XYLT1: variants seen among roughly 807,000 people sequenced by gnomAD.
XYLT1 encodes the protein xylosyltransferase 1.
Under a neutral mutation model 91.3 loss-of-function variants are expected in XYLT1, and 36 were observed. The ratio of observed to expected loss-of-function variants is 0.39; its 90% CI spans 0.30 to 0.52. XYLT1 has a LOEUF of 0.52. Ranked by LOEUF, XYLT1 falls within the 20% of genes least tolerant of loss-of-function variation. XYLT1 has a pLI of 0.68. For synonymous variants in XYLT1, 588 were observed against 532.0 expected (o/e 1.11, Z -1.45); for missense variants, 1,242 against 1,284.5 (o/e 0.97, Z 0.51).
chr16:17,410,368 G>A (rs949412399), intron 1 of XYLT1, among the ~76,000 whole-genome samples: 1 of 152,196 alleles, frequency 6.6e-6, no homozygotes, highest in East Asian at 1.9e-4. Context: ...AGTTCCATGT[G>A]GCTGGAGAGG....
intron 5 of XYLT1, among the ~76,000 whole-genome samples, chr16:17,164,056 A>G (rs1476310469): frequency 6.7e-6 from 1 of 148,528 alleles, no homozygotes; most frequent in African/African-American, 2.5e-5. Context: ...AAAAAAAAAA[A>G]AAAAAAAAAA....
At chr16:17,349,817 A>T (rs777867237) in intron 2 of XYLT1, among the ~76,000 whole-genome samples, 7 of 152,080 alleles carry the variant, frequency 4.6e-5, no homozygotes, top group Non-Finnish European at 1.0e-4. Flanking sequence ...TGCATGTCCA[A>T]TGTACAGTTC....
intron 6 of XYLT1, among the ~76,000 whole-genome samples, chr16:17,154,726 C>A (rs1191702426): frequency 6.6e-6 from 1 of 152,112 alleles, no homozygotes; most frequent in Non-Finnish European, 1.5e-5. Context: ...CAATCAGGAC[C>A]AATTTGGCAG....
chr16:17,454,647 C>T (rs2036712263), intron 1 of XYLT1, among the ~76,000 whole-genome samples: 1 of 151,990 alleles, frequency 6.6e-6, no homozygotes, highest in South Asian at 2.1e-4. Context: ...AGTGATTCTC[C>T]TGCCTCAGCC....
rs1000121540 is a variant in XYLT1, at chr16:17,232,194, A to C, written c.913+26794T>G. Among the ~76,000 whole-genome samples the C allele has an allele frequency of 1.1e-3, 157 of 143,010 alleles. 2 individuals are homozygous for C. The highest frequency in any genetic ancestry group is 2.0e-4 in the Non-Finnish European group (13 of 66,366). 93.8% of individuals were successfully genotyped at this position (143,010 alleles called of 152,430 possible). On this transcript the variant is annotated intron_variant, in intron 3 of 11. Transcript: ENST00000261381. ...TATTATACAATATATACTATATATA[A>C]AATATATAATATATATTATATATAC...
chr16:17,379,546 G>A (rs2035645056), intron 1 of XYLT1, among the ~76,000 whole-genome samples: 1 of 152,170 alleles, frequency 6.6e-6, no homozygotes, highest in South Asian at 2.1e-4. Context: ...GGTGGGAGCA[G>A]GATCCAGCCC....
intron 6 of XYLT1, among the ~76,000 whole-genome samples, chr16:17,158,029 G>T (rs1567300419): frequency 8.6e-6 from 1 of 116,742 alleles, no homozygotes; most frequent in Admixed American, 8.4e-5. Context: ...TTACAGGCAT[G>T]AGCCACTGCG....
At chr16:17,318,764 T>G (rs576816190) in intron 2 of XYLT1, among the ~76,000 whole-genome samples, 47 of 150,618 alleles carry the variant, frequency 3.1e-4, no homozygotes, top group African/African-American at 1.1e-3. Flanking sequence ...GAACTCCATG[T>G]GGTTCCATCC....
intron 1 of XYLT1, among the ~76,000 whole-genome samples, chr16:17,409,937 TG>T (rs561249914): frequency 5.3e-4 from 81 of 152,288 alleles, no homozygotes; most frequent in African/African-American, 1.9e-3. Context: ...ATAAAAAGAA[TG>T]TCCTGAATAA....
At chr16:17,348,991 G>A (rs2035183493) in intron 2 of XYLT1, among the ~76,000 whole-genome samples, 1 of 152,236 alleles carries the variant, frequency 6.6e-6, no homozygotes, top group Non-Finnish European at 1.5e-5. Context: ...CTGCCTTGTT[G>A]CTCAGTGGCA....
chr16:17,283,457 C>A (rs1180794005), intron 2 of XYLT1, among the ~76,000 whole-genome samples: 1 of 152,182 alleles, frequency 6.6e-6, no homozygotes, highest in Admixed American at 6.5e-5. Context: ...TGTGTACACA[C>A]ACACGCATGT....
intron 5 of XYLT1, among the ~76,000 whole-genome samples, chr16:17,169,126 C>T (rs1414134256): frequency 1.3e-5 from 2 of 152,182 alleles, no homozygotes; most frequent in Non-Finnish European, 2.9e-5. Context: ...GGCACCTGTC[C>T]TCAAGGAACG....
chr16:17,266,099 C>T lies in XYLT1; in HGVS notation c.403-6601G>A, dbSNP rs548601825. The stretch of plus-strand genomic sequence containing the variant: ...TGAGGACAAAATGGAAGCTTCAAAG[C>T]GCATCCCGTCTGCAGCCCTATCCCT... On this transcript the variant is annotated intron_variant, in intron 2 of 11. Coordinates refer to ENST00000261381, the MANE Select transcript of XYLT1 (RefSeq NM_022166.4). 5.9e-5 allele frequency among the ~76,000 whole-genome samples: 9 copies of T among 152,268 alleles called. No individual in the cohort carries two copies. The East Asian group carries it at 1.5e-3, about 26-fold the overall frequency.
chr16:17,273,633 C>A (rs1379766768), intron 2 of XYLT1, among the ~76,000 whole-genome samples: 1 of 152,086 alleles, frequency 6.6e-6, no homozygotes, highest in Non-Finnish European at 1.5e-5. Flanking sequence ...CACTGGAGTT[C>A]AGGAGTTCGA....
At chr16:17,453,111 A>G in intron 1 of XYLT1, among the ~76,000 whole-genome samples, 1 of 152,258 alleles carries the variant, frequency 6.6e-6, no homozygotes, top group East Asian at 1.9e-4. Flanking sequence ...TGAGGCTTCC[A>G]GATCCTGAGT....
intron 1 of XYLT1, among the ~76,000 whole-genome samples, chr16:17,373,343 A>G (rs549392678): frequency 5.4e-4 from 83 of 152,296 alleles, no homozygotes; most frequent in African/African-American, 2.0e-3. Context: ...ATGTGCCTCA[A>G]CCTAGGCTTG....
intron 1 of XYLT1, among the ~76,000 whole-genome samples, chr16:17,455,201 G>T (rs72783562): frequency 6.6e-6 from 1 of 151,854 alleles, no homozygotes; most frequent in Non-Finnish European, 1.5e-5. Context: ...GATCCCGGGG[G>T]CTGGTGGGCT....
chr16:17,326,506 C>G (rs916928415), intron 2 of XYLT1, among the ~76,000 whole-genome samples: 3 of 152,146 alleles, frequency 2.0e-5, no homozygotes, highest in African/African-American at 7.2e-5. Context: ...CCCCCTAAGT[C>G]ATGAGACCCA....
intron 6 of XYLT1, 107 bp downstream of exon 6, chr16:17,158,722 C>T (rs894515989): frequency 8.2e-7 from 1 of 1,224,458 alleles, no homozygotes. Context: ...GCCTTTCTCC[C>T]ACCCTCAACC....
Sources: allele counts gnomAD v4.1 joint callset (sites outside exome capture counted in the v4.1 genomes callset), GRCh38; gene constraint gnomAD v4.1.1; transcripts MANE v1.5; gene names NCBI Gene and HGNC (gene_info 2026-07-23, HGNC 2026-07-21).